TCERG1L: variants seen among roughly 807,000 people sequenced by gnomAD.
TCERG1L encodes transcription elongation regulator 1 like.
Under a neutral mutation model 56.3 loss-of-function variants are expected in TCERG1L, and 37 were observed. The observed-to-expected ratio is 0.66, with a 90% CI of 0.51 to 0.87. TCERG1L has a LOEUF of 0.87. Among genes scored for constraint, TCERG1L ranks in the 40% least tolerant of loss-of-function variants. The pLI is 0.00. For missense variants in TCERG1L, 799 were observed against 774.2 expected (o/e 1.03, Z -0.38); for synonymous variants, 324 against 326.3 (o/e 0.99, Z 0.08).
At chr10:131,295,732 T>C (rs1183149386) in intron 3 of TCERG1L, among the ~76,000 whole-genome samples, 1 of 152,192 alleles carries the variant, frequency 6.6e-6, no homozygotes, top group African/African-American at 2.4e-5. Context: ...GTTGGAAACA[T>C]TCAATATTCC....
chr10:131,223,102 C>T (rs766021055), intron 4 of TCERG1L, among the ~76,000 whole-genome samples: 14 of 152,156 alleles, frequency 9.2e-5, no homozygotes, highest in Non-Finnish European at 1.8e-4. Flanking sequence ...CAGAGGATGC[C>T]GGTCAGCCTG....
chr10:131,247,392 G>A (rs910313138), intron 4 of TCERG1L, among the ~76,000 whole-genome samples: 1 of 152,150 alleles, frequency 6.6e-6, no homozygotes, highest in Non-Finnish European at 1.5e-5. Flanking sequence ...CGCATATGTA[G>A]ATCAGCATCA....
Position 131,299,495 on chromosome 10 carries a change from G to A in TCERG1L, c.670+8716C>T, listed in dbSNP as rs115253217. Among the ~76,000 whole-genome samples the A allele has an allele frequency of 7.9e-3, 1,104 of 139,994 alleles. 14 individuals carry two copies. Among genetic ancestry groups the A allele is most frequent in the African/African-American group, 0.029 (1,042 of 35,948 alleles). The allele number at this position is 139,994 out of a possible 152,430, so 91.8% of individuals were successfully genotyped here. A position where few individuals can be genotyped will look rare whatever the true frequency, so the allele number is the denominator to read the frequency against. On this transcript the variant is annotated intron_variant, in intron 3 of 11. Coordinates refer to ENST00000368642, the MANE Select transcript of TCERG1L (RefSeq NM_174937.4). ...GCTCTACTGTTTTATATCTTTTGAA[G>A]ATATATCTTTCGAAGATATATCTTT...
chr10:131,287,516 A>G (rs1846558721), intron 3 of TCERG1L, among the ~76,000 whole-genome samples: 1 of 152,214 alleles, frequency 6.6e-6, no homozygotes, highest in Admixed American at 6.5e-5. Context: ...TGATGTCTGA[A>G]TAATTTGCCA....
rs148466074 is a variant in TCERG1L, at chr10:131,165,868, C to T, written c.945+929G>A. 3.5e-4 allele frequency among the ~76,000 whole-genome samples: 54 copies of T among 152,208 alleles called. 1 individual carries two copies. The East Asian group carries it at 5.2e-3, about 15-fold the overall frequency. Reference sequence around the variant, plus strand: ...ATCATGGTATAAAACTCTTGTTCCACGTTGAAGTCATAAAAGTGAATTAGA... The same window carrying T: ...ATCATGGTATAAAACTCTTGTTCCATGTTGAAGTCATAAAAGTGAATTAGA... On this transcript the variant is annotated intron_variant, in intron 5 of 11. Coordinates refer to ENST00000368642, the MANE Select transcript of TCERG1L (RefSeq NM_174937.4).
At position 131,267,900 on chromosome 10, in the gene TCERG1L, G is replaced by C. The variant is rs186189775; in HGVS notation, c.671-7456C>G. Among the ~76,000 whole-genome samples, 1 of 152,188 alleles carries C rather than the reference G, an allele frequency of 6.6e-6. No individual in the cohort carries two copies. The highest frequency in any genetic ancestry group is 2.1e-4 in the South Asian group (1 of 4,828). On this transcript the variant is annotated intron_variant, in intron 3 of 11. Coordinates refer to ENST00000368642, the MANE Select transcript of TCERG1L (RefSeq NM_174937.4). This position sits in a 1 kb window ranked among gnomAD's most constrained non-coding sequence, Gnocchi z 4.9. ...AGGGTGATGTTGCCACAAGTTCCCC[G>C]GGGGCCCTAGTGCTCAGGGGTGGTC...
chr10:131,163,723 CT>C (rs1679801840), intron 5 of TCERG1L, among the ~76,000 whole-genome samples: 1 of 152,210 alleles, frequency 6.6e-6, no homozygotes, highest in African/African-American at 2.4e-5. Context: ...CCTCCCCAGG[CT>C]CCCGCCCTTC....
chr10:131,309,834 CAAAAAAAAAAAA>C lies in TCERG1L; in HGVS notation c.343-547_343-536del, dbSNP rs58892586. On this transcript the variant is annotated intron_variant, in intron 1 of 11. Coordinates refer to ENST00000368642, the MANE Select transcript of TCERG1L (RefSeq NM_174937.4). ...TCACCAATACAAATAGATTCTATGGCAAAAAAAAAAAAAAAAAAAAAAAAACTAAGCATCTTC... is the reference window on the plus strand; with the variant it reads ...TCACCAATACAAATAGATTCTATGGCAAAAAAAAAAAAACTAAGCATCTTC... Among the ~76,000 whole-genome samples the C allele has an allele frequency of 2.9e-3, 146 of 49,860 alleles. 1 individual carries two copies. Among genetic ancestry groups the C allele is most frequent in the African/African-American group, 0.012 (144 of 11,780 alleles). 32.7% of individuals were successfully genotyped at this position (49,860 alleles called of 152,430 possible). A position where few individuals can be genotyped will look rare whatever the true frequency, so the allele number is the denominator to read the frequency against.
intron 5 of TCERG1L, among the ~76,000 whole-genome samples, chr10:131,165,363 C>G (rs60969172): frequency 0.17 from 25,782 of 152,180 alleles, 2,734 homozygotes; most frequent in East Asian, 0.33. Flanking sequence ...GGGGTGGTCT[C>G]TTTACGTATG....
chr10:131,135,981 A>G (rs994186037), intron 7 of TCERG1L, among the ~76,000 whole-genome samples: 2 of 152,198 alleles, frequency 1.3e-5, no homozygotes, highest in Non-Finnish European at 2.9e-5. Context: ...CCGGAGCTGG[A>G]CTGCTGTGCC....
At chr10:131,182,023 T>G (rs1201442298) in intron 4 of TCERG1L, among the ~76,000 whole-genome samples, 1 of 152,096 alleles carries the variant, frequency 6.6e-6, no homozygotes, top group African/African-American at 2.4e-5. Context: ...TGTATGTGTG[T>G]GTACATAGCA....
In TCERG1L at chr10:131,260,655, T is replaced by C. The variant is rs1829637128; in HGVS notation, c.671-211A>G. ...CAGTCAAACGCTGCCATGCAACCAG[T>C]GCACACACAGAGCCGTGTGATGCCC... On this transcript the variant is annotated intron_variant, in intron 3 of 11. Transcript: ENST00000368642. The surrounding 1 kb of genome is among the most constrained non-coding windows in gnomAD (Gnocchi z 5.8). Among the ~76,000 whole-genome samples, 1 of 152,138 alleles carries C rather than the reference T, an allele frequency of 6.6e-6. No individual in the cohort carries two copies. Among genetic ancestry groups the C allele is most frequent in the African/African-American group, 2.4e-5 (1 of 41,436 alleles).
At chr10:131,220,735 C>A (rs1046370199) in intron 4 of TCERG1L, among the ~76,000 whole-genome samples, 4 of 152,128 alleles carry the variant, frequency 2.6e-5, no homozygotes, top group African/African-American at 9.6e-5. Flanking sequence ...TCACTGAATC[C>A]CCCCAGCTCC....
intron 4 of TCERG1L, among the ~76,000 whole-genome samples, chr10:131,173,676 A>C (rs573496691): frequency 2.6e-5 from 4 of 152,342 alleles, no homozygotes; most frequent in African/African-American, 9.6e-5. Flanking sequence ...AAACAAGAGA[A>C]GCCCAGGGGC....
At chr10:131,128,293 G>A (rs556875510) in intron 8 of TCERG1L, among the ~76,000 whole-genome samples, 1 of 152,284 alleles carries the variant, frequency 6.6e-6, no homozygotes, top group East Asian at 1.9e-4. Flanking sequence ...TGCAAAGGAG[G>A]CGACCCAGGA....
intron 7 of TCERG1L, among the ~76,000 whole-genome samples, chr10:131,136,550 C>G (rs1413648617): frequency 2.0e-5 from 3 of 152,088 alleles, no homozygotes; most frequent in Non-Finnish European, 4.4e-5. Flanking sequence ...GGCTGGAGTA[C>G]AGTGGTGCGA....
At chr10:131,123,828 G>A (rs559017213) in intron 8 of TCERG1L, among the ~76,000 whole-genome samples, 8 of 152,264 alleles carry the variant, frequency 5.3e-5, no homozygotes, top group South Asian at 2.1e-4. Context: ...AGGACCCCAC[G>A]GAGCCGAGAC....
chr10:131,264,635 G>C (rs1296512704), intron 3 of TCERG1L, among the ~76,000 whole-genome samples: 1 of 152,238 alleles, frequency 6.6e-6, no homozygotes, highest in African/African-American at 2.4e-5. Flanking sequence ...CCTGGGGCCA[G>C]TCACGCTCCC....
intron 4 of TCERG1L, among the ~76,000 whole-genome samples, chr10:131,177,557 A>G (rs1283953267): frequency 6.6e-6 from 1 of 152,232 alleles, no homozygotes; most frequent in African/African-American, 2.4e-5. Flanking sequence ...AGTGTCCCGA[A>G]GTGCAGCATG....
Sources: gnomAD v4.1 joint callset for allele counts (sites outside exome capture counted in the v4.1 genomes callset) on GRCh38, gnomAD v4.1.1 for gene constraint, Gnocchi (gnomAD v3.1) non-coding constraint, MANE v1.5 for transcripts, NCBI Gene and HGNC (gene_info 2026-07-23, HGNC 2026-07-21) for gene names.